Variants in MLLT3 observed in about 807,000 individuals in gnomAD.
The protein encoded by MLLT3 is MLLT3 super elongation complex subunit, also known as protein AF-9.
A neutral mutation model predicts 53.2 loss-of-function variants in MLLT3; 4 were observed. The observed-to-expected ratio is 0.08, with a 90% CI of 0.04 to 0.17. MLLT3 has a LOEUF of 0.17. MLLT3 is among the 10% of genes least tolerant of loss of function. MLLT3 has a pLI of 1.00. For missense variants in MLLT3, 569 were observed against 684.0 expected (o/e 0.83, Z 1.87); for synonymous variants, 283 against 230.6 (o/e 1.23, Z -2.06).
At chr9:20,492,902 T>C (rs1429722763) in intron 2 of MLLT3, among the ~76,000 whole-genome samples, 1 of 151,976 alleles carries the variant, frequency 6.6e-6, no homozygotes, top group African/African-American at 2.4e-5. Flanking sequence ...GCAGGCTAAA[T>C]AGAAGTTTAG....
intron 2 of MLLT3, among the ~76,000 whole-genome samples, chr9:20,464,111 A>G (rs999318974): frequency 6.6e-6 from 1 of 152,096 alleles, no homozygotes; most frequent in African/African-American, 2.4e-5. Context: ...TCTGGCATCA[A>G]AATTTTACCC....
intron 4 of MLLT3, among the ~76,000 whole-genome samples, chr9:20,416,070 T>G (rs1172526322): frequency 6.6e-6 from 1 of 151,978 alleles, no homozygotes; most frequent in Non-Finnish European, 1.5e-5. Context: ...ATTCTAAAGA[T>G]AGGATTCATA....
intron 2 of MLLT3, among the ~76,000 whole-genome samples, chr9:20,476,962 C>T (rs190339609): frequency 3.6e-3 from 546 of 151,568 alleles, no homozygotes; most frequent in Non-Finnish European, 6.6e-3. Context: ...GCTTTAAAAC[C>T]TATGGTCTTT....
At chr9:20,417,395 G>T (rs1261258536) in intron 4 of MLLT3, among the ~76,000 whole-genome samples, 3 of 146,096 alleles carry the variant, frequency 2.1e-5, no homozygotes, top group Non-Finnish European at 3.0e-5. Context: ...ATGTATATCT[G>T]ATATATATAT....
At position 20,345,222 on chromosome 9, in the gene MLLT3, C is replaced by T. The variant is rs1820835593; in HGVS notation, c.*1221G>A. 8.9e-6 allele frequency: 2 copies of T among 224,104 alleles called. No homozygotes were observed. Among genetic ancestry groups the T allele is most frequent in the Non-Finnish European group, 1.8e-5 (2 of 112,378 alleles). The allele number at this position is 224,104 out of a possible 1,614,324, so 13.9% of individuals were successfully genotyped here. The stretch of plus-strand genomic sequence containing the variant: ...CTGGAAATATTAGCAAGCAACTAAA[C>T]AGGTATTGAACCACTGAATCTACAA... On this transcript the variant is annotated 3_prime_UTR_variant, in exon 11 of 11. Coordinates refer to ENST00000380338, the MANE Select transcript of MLLT3 (RefSeq NM_004529.4).
intron 2 of MLLT3, among the ~76,000 whole-genome samples, chr9:20,563,811 T>C (rs1029219552): frequency 2.0e-5 from 3 of 151,968 alleles, no homozygotes; most frequent in East Asian, 1.9e-4. Flanking sequence ...ACTGCTATAA[T>C]AAGAAAAAGG....
Position 20,520,764 on chromosome 9 carries a change from G to C in MLLT3, c.194-63978C>G, listed in dbSNP as rs1195669971. Among the ~76,000 whole-genome samples, 3 of 152,246 alleles carry C rather than the reference G, an allele frequency of 2.0e-5. No individual in the cohort carries two copies. In the East Asian group the frequency reaches 5.8e-4, roughly 29 times the overall value. ...AAAAAGGGGACGTTCTCAGAAAGGA[G>C]GATAACATCTTAAAGGCACAGGGAC... is the stretch of plus-strand genomic sequence containing the variant. On this transcript the variant is annotated intron_variant, in intron 2 of 10. Transcript: ENST00000380338.
intron 5 of MLLT3, among the ~76,000 whole-genome samples, chr9:20,399,009 G>A (rs1401948128): frequency 4.6e-5 from 7 of 152,092 alleles, no homozygotes; most frequent in South Asian, 4.1e-4. Flanking sequence ...GGGGCTGCCC[G>A]GGCAGGTAAG....
chr9:20,512,613 TA>T (rs1817783822), intron 2 of MLLT3, among the ~76,000 whole-genome samples: 1 of 152,232 alleles, frequency 6.6e-6, no homozygotes, highest in Non-Finnish European at 1.5e-5. Flanking sequence ...GTTTAATAGT[TA>T]AAAATGCTGT....
chr9:20,559,374 G>A (rs1281861858), intron 2 of MLLT3, among the ~76,000 whole-genome samples: 1 of 152,268 alleles, frequency 6.6e-6, no homozygotes, highest in East Asian at 1.9e-4. Flanking sequence ...TAAAGTAAGT[G>A]GTGTTCAAGT....
chr9:20,437,080 G>A (rs1823424940), intron 4 of MLLT3, among the ~76,000 whole-genome samples: 1 of 152,100 alleles, frequency 6.6e-6, no homozygotes. Flanking sequence ...GCTGTGCTAT[G>A]AGTCTGCCTT....
chr9:20,528,387 G>A (rs74846383), intron 2 of MLLT3, among the ~76,000 whole-genome samples: 1 of 152,228 alleles, frequency 6.6e-6, no homozygotes, highest in Non-Finnish European at 1.5e-5. Context: ...CTGGTAACAG[G>A]AAAGTGGCTA....
intron 2 of MLLT3, among the ~76,000 whole-genome samples, chr9:20,592,191 T>C (rs773559921): frequency 6.6e-5 from 10 of 152,214 alleles, no homozygotes; most frequent in Non-Finnish European, 1.2e-4. Context: ...AATCCATCCT[T>C]ACTTAACCCT....
chr9:20,513,420 G>C lies in MLLT3; in HGVS notation c.194-56634C>G, dbSNP rs903347518. ...GTACGACAAATTGGTGAGAGGAGGA[G>C]TACCAATGCGGGCGAAAGACAAGAT... is the stretch of plus-strand genomic sequence containing the variant. On this transcript the variant is annotated intron_variant, in intron 2 of 10. Transcript: ENST00000380338. Among the ~76,000 whole-genome samples the C allele has an allele frequency of 2.6e-5, 4 of 152,196 alleles. No homozygotes were observed. In the East Asian group the frequency reaches 7.7e-4, roughly 29 times the overall value.
intron 7 of MLLT3, among the ~76,000 whole-genome samples, chr9:20,362,426 G>C (rs543315174): frequency 3.8e-4 from 58 of 152,162 alleles, no homozygotes; most frequent in Non-Finnish European, 7.5e-4. Flanking sequence ...AGTCCATTTT[G>C]AGGTCTTTTT....
At chr9:20,412,123 T>A (rs887455842) in intron 5 of MLLT3, among the ~76,000 whole-genome samples, 1 of 152,166 alleles carries the variant, frequency 6.6e-6, no homozygotes, top group African/African-American at 2.4e-5. Context: ...TGTGTTAGAA[T>A]ATAAAATGGC....
At chr9:20,580,713 A>G (rs1819769474) in intron 2 of MLLT3, among the ~76,000 whole-genome samples, 1 of 152,224 alleles carries the variant, frequency 6.6e-6, no homozygotes, top group South Asian at 2.1e-4. Flanking sequence ...ACTCCTTCAC[A>G]AACATGGCTA....
At chr9:20,351,517 C>T (rs1365899548) in intron 10 of MLLT3, among the ~76,000 whole-genome samples, 1 of 152,222 alleles carries the variant, frequency 6.6e-6, no homozygotes, top group Non-Finnish European at 1.5e-5. Flanking sequence ...GGCTTAGGAA[C>T]ACAGGCTCCT....
intron 2 of MLLT3, among the ~76,000 whole-genome samples, chr9:20,501,475 G>A (rs1825225118): frequency 6.6e-6 from 1 of 152,092 alleles, no homozygotes; most frequent in Non-Finnish European, 1.5e-5. Flanking sequence ...CACCCGGCCG[G>A]GCACGGTGGC....
Sources: allele counts gnomAD v4.1 joint callset (sites outside exome capture counted in the v4.1 genomes callset), GRCh38; gene constraint gnomAD v4.1.1; transcripts MANE v1.5; gene names NCBI Gene and HGNC (gene_info 2026-07-23, HGNC 2026-07-21).